ACAP2: variants seen among roughly 807,000 people sequenced by gnomAD.
The protein encoded by ACAP2 is arf-GAP with coiled-coil, ANK repeat and PH domain-containing protein 2.
Under a neutral mutation model 115.8 loss-of-function variants are expected in ACAP2, and 39 were observed. That is an observed-to-expected ratio of 0.34 (90% confidence interval 0.26 to 0.44). The LOEUF is 0.44. ACAP2 is among the 20% of genes least tolerant of loss of function. ACAP2 has a pLI of 1.00. For missense variants in ACAP2, 662 were observed against 927.6 expected (o/e 0.71, Z 3.72); for synonymous variants, 289 against 315.8 (o/e 0.92, Z 0.90).
chr3:195,372,987 CAAAAAAA>C (rs869134113), intron 4 of ACAP2, among the ~76,000 whole-genome samples: 11 of 17,778 alleles, frequency 6.2e-4, no homozygotes, highest in African/African-American at 1.9e-3. Context: ...GACTCCATCT[CAAAAAAA>C]AAAAAAAAAA....
intron 9 of ACAP2, among the ~76,000 whole-genome samples, chr3:195,321,493 C>T (rs1224407352): frequency 6.6e-6 from 1 of 151,420 alleles, no homozygotes; most frequent in Non-Finnish European, 1.5e-5. Flanking sequence ...GGATTACAGG[C>T]ATCACAACAT....
chr3:195,393,541 T>C (rs566207642), intron 1 of ACAP2, among the ~76,000 whole-genome samples: 1 of 150,626 alleles, frequency 6.6e-6, no homozygotes, highest in East Asian at 1.9e-4. Context: ...CTGCACTCTG[T>C]AGCACAGAAA....
At chr3:195,287,131 G>C (rs79024154) in intron 21 of ACAP2, among the ~76,000 whole-genome samples, 2 of 152,164 alleles carry the variant, frequency 1.3e-5, no homozygotes, top group East Asian at 3.9e-4. Flanking sequence ...TCTCCAATGA[G>C]GGGGGATAAG....
intron 2 of ACAP2, among the ~76,000 whole-genome samples, chr3:195,385,388 TA>T (rs57423683): frequency 0.015 from 1,684 of 113,810 alleles, 17 homozygotes; most frequent in African/African-American, 0.034. Context: ...ACAAACTTAG[TA>T]AAAAAAAAAA....
At chr3:195,385,511 C>G (rs1367991413) in intron 2 of ACAP2, among the ~76,000 whole-genome samples, 1 of 151,496 alleles carries the variant, frequency 6.6e-6, no homozygotes, top group Non-Finnish European at 1.5e-5. Flanking sequence ...AAAAGGGATA[C>G]TTTTATTATT....
At chr3:195,402,636 T>C (rs1048772821) in intron 1 of ACAP2, among the ~76,000 whole-genome samples, 2 of 152,116 alleles carry the variant, frequency 1.3e-5, no homozygotes, top group African/African-American at 4.8e-5. Flanking sequence ...TGACAGGAGC[T>C]AAGGAGGTAT....
chr3:195,287,840 A>G (rs1171532406), intron 21 of ACAP2, among the ~76,000 whole-genome samples: 1 of 152,140 alleles, frequency 6.6e-6, no homozygotes, highest in East Asian at 1.9e-4. Flanking sequence ...ACGGTGACTC[A>G]CGCCTGTAAT....
At chr3:195,307,951 T>A (rs559053244) in intron 11 of ACAP2, among the ~76,000 whole-genome samples, 1 of 152,264 alleles carries the variant, frequency 6.6e-6, no homozygotes, top group East Asian at 1.9e-4. Context: ...ATCTGCAGTT[T>A]ACAGAATATC....
chr3:195,371,188 C>T (rs1200582544), intron 4 of ACAP2, among the ~76,000 whole-genome samples: 2 of 152,136 alleles, frequency 1.3e-5, no homozygotes, highest in Non-Finnish European at 1.5e-5. Flanking sequence ...TTCTATCTAT[C>T]CATGAGGATT....
At chr3:195,337,948 C>A (rs1730619701) in intron 6 of ACAP2, among the ~76,000 whole-genome samples, 1 of 151,466 alleles carries the variant, frequency 6.6e-6, no homozygotes, top group Admixed American at 6.6e-5. Flanking sequence ...GGGCCACTCC[C>A]ACCTCAACCT....
chr3:195,306,773 C>T (rs1246727324), intron 12 of ACAP2, 157 bp from the exon 13 acceptor site: 2 of 472,436 alleles, frequency 4.2e-6, no homozygotes, highest in African/African-American at 4.2e-5. Context: ...ATCTTTAGGG[C>T]AAAGTATGTT....
At chr3:195,383,654 C>A (rs1734096083) in intron 2 of ACAP2, among the ~76,000 whole-genome samples, 1 of 150,186 alleles carries the variant, frequency 6.7e-6, no homozygotes, top group Non-Finnish European at 1.5e-5. Context: ...ACTGATCAAT[C>A]CAATTACATA....
At chr3:195,348,267 T>C (rs965411612) in intron 4 of ACAP2, among the ~76,000 whole-genome samples, 1 of 151,048 alleles carries the variant, frequency 6.6e-6, no homozygotes, top group African/African-American at 2.4e-5. Context: ...TTATAAAATA[T>C]CAGAAAGAAA....
chr3:195,289,261 T>C lies in ACAP2; in HGVS notation c.2064-30A>G, dbSNP rs766227398. 4 of 1,528,322 alleles carry C rather than the reference T, an allele frequency of 2.6e-6. No individual in the cohort carries two copies. In the Admixed American group the frequency reaches 5.8e-5, roughly 22 times the overall value. 94.7% of individuals were successfully genotyped at this position (1,528,322 alleles called of 1,614,324 possible). On this transcript the variant is annotated intron_variant, in intron 20 of 22. Transcript: ENST00000326793. ...TTAAGAACACAGCATTTTTGAGATA[T>C]TGTCGATAAGAAAAAAAAATTAGTA...
intron 4 of ACAP2, chr3:195,349,599 A>AT (rs971743974): frequency 6.2e-6 from 1 of 160,068 alleles, no homozygotes; most frequent in African/African-American, 2.4e-5. Context: ...GCTCAGAGAA[A>AT]TTAAAAAAAA....
At chr3:195,424,283 A>ATATATTT (rs1179576221) in intron 1 of ACAP2, among the ~76,000 whole-genome samples, 1 of 54,110 alleles carries the variant, frequency 1.8e-5, no homozygotes, top group Non-Finnish European at 3.1e-5. Context: ...ATATATATAT[A>ATATATTT]TTTTTTTTTT....
chr3:195,308,856 G>A lies in ACAP2; in HGVS notation c.858-19C>T, dbSNP rs1481939282. 6.3e-7 allele frequency: 1 copy of A among 1,589,146 alleles called. No individual in the cohort carries two copies. Among genetic ancestry groups the A allele is most frequent in the South Asian group, 1.2e-5 (1 of 86,028 alleles). ...CCAGCGCCTACAGAAACACAAAATA[G>A]ATTAAGTTTTCATAAACATAATTTA... is the stretch of plus-strand genomic sequence containing the variant. On this transcript the variant is annotated intron_variant, in intron 10 of 22. Coordinates refer to ENST00000326793, the MANE Select transcript of ACAP2 (RefSeq NM_012287.6).
chr3:195,292,431 G>A lies in ACAP2; in HGVS notation c.1787C>T (p.Ser596Phe). Reference protein sequence around the residue: ...YEPEGERQDSSMFLDSKHLNP... With the variant: ...YEPEGERQDSFMFLDSKHLNP... The stretch of plus-strand genomic sequence containing the variant: ...AAGATGTTTCGAGTCAAGAAACATA[G>A]AAGAATCTTGCCTTTCTCCTTCTGA... The change falls in exon 19 of 23, where the codon TCT becomes TTT. Residue 596 changes from serine to phenylalanine, a missense_variant. By Grantham distance (155) the Ser-to-Phe change is radical. Around this residue, in one of 3 missense-constraint regions of ACAP2, gnomAD observed 133 missense variants for 123.1 expected, o/e 1.08. Transcript: ENST00000326793. The A allele has an allele frequency of 6.2e-7, 1 of 1,607,028 alleles. No individual in the cohort carries two copies. Among genetic ancestry groups the A allele is most frequent in the Non-Finnish European group, 8.5e-7 (1 of 1,177,808 alleles).
intron 1 of ACAP2, among the ~76,000 whole-genome samples, chr3:195,432,189 T>G (rs1715181441): frequency 6.6e-6 from 1 of 152,222 alleles, no homozygotes; most frequent in African/African-American, 2.4e-5. Flanking sequence ...AGTTTTTAAT[T>G]TTAATGAAAT....
Sources: gnomAD v4.1 joint callset for allele counts (sites outside exome capture counted in the v4.1 genomes callset) on GRCh38, gnomAD v4.1.1 for gene constraint, gnomAD v4.1.1 regional missense constraint, MANE v1.5 for transcripts, NCBI Gene and HGNC (gene_info 2026-07-23, HGNC 2026-07-21) for gene names.